The following PIK3C2G variants were observed in gnomAD, a reference collection of about 807,000 sequenced individuals.
The protein encoded by PIK3C2G is phosphatidylinositol 3-kinase C2 domain-containing subunit gamma.
In PIK3C2G, 168 loss-of-function variants were observed where a neutral mutation model predicts 181.1. The observed-to-expected ratio is 0.93, with a 90% CI of 0.82 to 1.05. The LOEUF (loss-of-function observed/expected upper bound fraction) is 1.05, where lower values mean the gene tolerates loss of function less well. Among genes scored for constraint, PIK3C2G ranks in the 50% least tolerant of loss-of-function variants. PIK3C2G has a pLI of 0.00. For missense variants in PIK3C2G, 1,869 were observed against 1,732.8 expected (o/e 1.08, Z -1.40); for synonymous variants, 573 against 592.2 (o/e 0.97, Z 0.47).
At chr12:18,627,829 T>G (rs1394253210) in intron 31 of PIK3C2G, among the ~76,000 whole-genome samples, 1 of 152,208 alleles carries the variant, frequency 6.6e-6, no homozygotes, top group Non-Finnish European at 1.5e-5. Flanking sequence ...GATAGTTCCA[T>G]CATATTTTAA....
chr12:18,471,124 A>G (rs1173215414), intron 18 of PIK3C2G, among the ~76,000 whole-genome samples: 1 of 152,180 alleles, frequency 6.6e-6, no homozygotes, highest in Non-Finnish European at 1.5e-5. Context: ...ATCTGAAAAG[A>G]AACAAATGAA....
At chr12:18,635,710 A>G (rs73071844) in intron 31 of PIK3C2G, among the ~76,000 whole-genome samples, 5,280 of 152,208 alleles carry the variant, frequency 0.035, 97 homozygotes, top group Middle Eastern at 0.065. Flanking sequence ...CATGTAACCC[A>G]TGTGGCAAAG....
At chr12:18,652,806 TTA>T (rs113660981), downstream of PIK3C2G, among the ~76,000 whole-genome samples, 1,843 of 152,248 alleles carry the variant, frequency 0.012, 29 homozygotes, top group African/African-American at 0.042. Flanking sequence ...GAAAGAATTA[TTA>T]TGTCTCCAGA....
chr12:18,575,067 A>G (rs570455136), intron 29 of PIK3C2G, among the ~76,000 whole-genome samples: 1 of 152,300 alleles, frequency 6.6e-6, no homozygotes, highest in South Asian at 2.1e-4. Context: ...AGATGTACTT[A>G]AAGAAGAAAA....
intron 18 of PIK3C2G, among the ~76,000 whole-genome samples, chr12:18,463,730 G>A (rs1484911091): frequency 6.6e-6 from 1 of 152,184 alleles, no homozygotes. Context: ...GACATCAAAT[G>A]TCTTCATGAC....
intron 24 of PIK3C2G, among the ~76,000 whole-genome samples, chr12:18,514,431 G>A (rs899400467): frequency 3.3e-5 from 5 of 151,710 alleles, no homozygotes; most frequent in Non-Finnish European, 7.4e-5. Context: ...TTTCTTTAAT[G>A]CATAATAGTT....
intron 1 of PIK3C2G, among the ~76,000 whole-genome samples, chr12:18,265,482 C>T (rs2137019226): frequency 6.6e-6 from 1 of 152,152 alleles, no homozygotes; most frequent in South Asian, 2.1e-4. Flanking sequence ...ATTAATTCAT[C>T]TTAAAACACA....
At chr12:18,395,075 C>T (rs1943782912) in intron 15 of PIK3C2G, among the ~76,000 whole-genome samples, 1 of 149,596 alleles carries the variant, frequency 6.7e-6, no homozygotes, top group South Asian at 2.1e-4. Flanking sequence ...TTCCCTGCCT[C>T]TTTCATTCCT....
intron 29 of PIK3C2G, among the ~76,000 whole-genome samples, chr12:18,583,540 G>A (rs532782238): frequency 6.6e-6 from 1 of 152,106 alleles, no homozygotes; most frequent in South Asian, 2.1e-4. Context: ...TTGTCCTGCT[G>A]TCTCCAGGCT....
At chr12:18,548,554 C>A (rs1944559449) in intron 26 of PIK3C2G, among the ~76,000 whole-genome samples, 1 of 151,974 alleles carries the variant, frequency 6.6e-6, no homozygotes, top group Admixed American at 6.6e-5. Flanking sequence ...CTACGGTGAC[C>A]TATCTCCCCT....
intron 18 of PIK3C2G, among the ~76,000 whole-genome samples, chr12:18,443,440 T>C (rs544371549): frequency 4.1e-5 from 6 of 147,098 alleles, no homozygotes; most frequent in Admixed American, 3.6e-4. Context: ...TTTCATACCC[T>C]ATTATGGCTT....
intron 18 of PIK3C2G, chr12:18,424,945 G>A: frequency 4.9e-6 from 1 of 204,236 alleles, no homozygotes; most frequent in East Asian, 1.2e-4. Flanking sequence ...CAACGTTCAG[G>A]GTGTCTATAG....
intron 3 of PIK3C2G, 34 bp from the exon 4 acceptor site, chr12:18,290,821 G>A (rs750494751): frequency 7.1e-6 from 10 of 1,407,064 alleles, no homozygotes; most frequent in Non-Finnish European, 1.0e-5. Context: ...TGCAGGTCTT[G>A]TCCTAAGTAT....
At chr12:18,485,970 A>T (rs1939987309) in intron 18 of PIK3C2G, among the ~76,000 whole-genome samples, 1 of 152,170 alleles carries the variant, frequency 6.6e-6, no homozygotes, top group Admixed American at 6.6e-5. Context: ...CTGACACAGA[A>T]CTGAGTAACC....
At chr12:18,274,570 G>T (rs536466547) in intron 1 of PIK3C2G, among the ~76,000 whole-genome samples, 5 of 151,924 alleles carry the variant, frequency 3.3e-5, no homozygotes, top group Non-Finnish European at 2.9e-5. Context: ...ACCAAACACC[G>T]CATGTTCTCA....
intron 8 of PIK3C2G, among the ~76,000 whole-genome samples, chr12:18,336,192 T>G (rs10400456): frequency 0.022 from 3,408 of 152,228 alleles, 148 homozygotes; most frequent in African/African-American, 0.078. Flanking sequence ...AGGCACCATA[T>G]TTCATATTTT....
chr12:18,526,777 C>T (rs756390568), intron 24 of PIK3C2G, among the ~76,000 whole-genome samples: 9 of 152,110 alleles, frequency 5.9e-5, no homozygotes, highest in Non-Finnish European at 1.3e-4. Flanking sequence ...ACAAAGCGCT[C>T]TCACTTACTC....
chr12:18,291,969 A>G (rs2137203718), intron 4 of PIK3C2G, among the ~76,000 whole-genome samples: 1 of 150,882 alleles, frequency 6.6e-6, no homozygotes, highest in Admixed American at 6.6e-5. Context: ...AGCACTTTGG[A>G]AGGGCGAGGC....
chr12:18,277,300 T>C (rs945602210), intron 1 of PIK3C2G, among the ~76,000 whole-genome samples: 3 of 152,042 alleles, frequency 2.0e-5, no homozygotes, highest in African/African-American at 7.2e-5. Flanking sequence ...GCTCAGCAAG[T>C]GAGGAGATAC....
Sources: gnomAD v4.1 joint callset for allele counts (sites outside exome capture counted in the v4.1 genomes callset) on GRCh38, gnomAD v4.1.1 for gene constraint, MANE v1.5 for transcripts, NCBI Gene and HGNC (gene_info 2026-07-23, HGNC 2026-07-21) for gene names.